Variants in PAK1 observed in about 807,000 individuals in gnomAD.
The protein encoded by PAK1 is serine/threonine-protein kinase PAK 1.
Under a neutral mutation model 67.4 loss-of-function variants are expected in PAK1, and 29 were observed. The ratio of observed to expected loss-of-function variants is 0.43; its 90% CI spans 0.32 to 0.59. The LOEUF is 0.59. Ranked by LOEUF, PAK1 falls within the 20% of genes least tolerant of loss-of-function variation. PAK1 has a pLI of 0.07. For missense variants in PAK1, 337 were observed against 670.7 expected (o/e 0.50, Z 5.50); for synonymous variants, 223 against 237.4 (o/e 0.94, Z 0.56).
At chr11:77,462,638 C>G (rs909955328) in intron 1 of PAK1, among the ~76,000 whole-genome samples, 1 of 151,994 alleles carries the variant, frequency 6.6e-6, no homozygotes. Context: ...CTGAGACCAG[C>G]CTGGCCAACA....
At chr11:77,511,421 C>CT in the PAK1 span, among the ~76,000 whole-genome samples, 2 of 152,254 alleles carry the variant, frequency 1.3e-5, no homozygotes, top group East Asian at 3.9e-4. Context: ...GGCTTAGATG[C>CT]TTTTTATTAT....
intron 1 of PAK1, among the ~76,000 whole-genome samples, chr11:77,415,489 T>G (rs1954896577): frequency 6.6e-6 from 1 of 152,180 alleles, no homozygotes; most frequent in South Asian, 2.1e-4. Flanking sequence ...AGCCTACTGC[T>G]TCAAGACTAC....
intron 1 of PAK1, among the ~76,000 whole-genome samples, chr11:77,420,488 C>G (rs766183101): frequency 7.2e-5 from 11 of 152,178 alleles, no homozygotes; most frequent in Non-Finnish European, 1.2e-4. Context: ...TCAGGTGTTT[C>G]CTCCCCCATC....
intron 1 of PAK1, among the ~76,000 whole-genome samples, chr11:77,435,945 G>A (rs1428601276): frequency 6.6e-6 from 1 of 152,134 alleles, no homozygotes; most frequent in African/African-American, 2.4e-5. Flanking sequence ...AAAATGAGCA[G>A]ACCCCAATGT....
intron 14 of PAK1, among the ~76,000 whole-genome samples, chr11:77,324,531 A>G (rs2135954232): frequency 6.6e-6 from 1 of 152,026 alleles, no homozygotes; most frequent in East Asian, 1.9e-4. Context: ...TTTTCTTTTT[A>G]AACATTTAGT....
At chr11:77,496,787 G>C in the PAK1 span, among the ~76,000 whole-genome samples, 1 of 152,076 alleles carries the variant, frequency 6.6e-6, no homozygotes, top group Admixed American at 6.5e-5. Context: ...ACAAAAATTA[G>C]CCTGGCGTGA....
intron 1 of PAK1, among the ~76,000 whole-genome samples, chr11:77,467,887 G>C (rs1461350119): frequency 6.6e-6 from 1 of 152,100 alleles, no homozygotes; most frequent in African/African-American, 2.4e-5. Context: ...CCCTCCCTTG[G>C]TAAGTGCAGT....
At chr11:77,342,445 TGA>T (rs1943751450) in intron 10 of PAK1, among the ~76,000 whole-genome samples, 1 of 152,198 alleles carries the variant, frequency 6.6e-6, no homozygotes, top group South Asian at 2.1e-4. Flanking sequence ...CACCATTTTG[TGA>T]GACAGGCCAT....
chr11:77,395,823 T>G (rs2844333), intron 1 of PAK1, among the ~76,000 whole-genome samples: 58,948 of 152,082 alleles, frequency 0.39, 11,730 homozygotes, highest in South Asian at 0.52. Context: ...ACTCTGATGT[T>G]CTTTTTATCC....
intron 4 of PAK1, among the ~76,000 whole-genome samples, chr11:77,378,448 C>T (rs1374895483): frequency 2.0e-5 from 3 of 152,072 alleles, no homozygotes; most frequent in Non-Finnish European, 4.4e-5. Flanking sequence ...AAAATTAGTT[C>T]CCTGAGGAAG....
the PAK1 span, among the ~76,000 whole-genome samples, chr11:77,519,981 A>G: frequency 6.6e-6 from 1 of 151,972 alleles, no homozygotes; most frequent in African/African-American, 2.4e-5. Context: ...ATTGGAAGCC[A>G]GGCTCCTCCC....
chr11:77,338,612 T>C (rs1032347148), intron 11 of PAK1, among the ~76,000 whole-genome samples: 4 of 152,178 alleles, frequency 2.6e-5, no homozygotes, highest in Admixed American at 6.5e-5. Flanking sequence ...TGTAGTTATA[T>C]ATCCAAGAGA....
chr11:77,441,084 T>C (rs1178637127), intron 1 of PAK1, among the ~76,000 whole-genome samples: 1 of 152,188 alleles, frequency 6.6e-6, no homozygotes, highest in Non-Finnish European at 1.5e-5. Context: ...ATACTCTGCC[T>C]TTCAAGGGAA....
intron 9 of PAK1, among the ~76,000 whole-genome samples, 192 bp downstream of exon 9, chr11:77,349,047 C>T (rs2725813): frequency 0.094 from 14,190 of 151,076 alleles, 881 homozygotes; most frequent in Non-Finnish European, 0.14. Context: ...ACTGCTTGAA[C>T]CTAGTAGGCG....
intron 1 of PAK1, among the ~76,000 whole-genome samples, chr11:77,470,201 TTTTG>T (rs1033622624): frequency 6.6e-6 from 1 of 152,222 alleles, no homozygotes. Context: ...CCACCTTGAT[TTTTG>T]TTTTAGTTTT....
upstream of PAK1, chr11:77,474,576 A>G (rs1294829486): frequency 6.6e-6 from 1 of 152,166 alleles, no homozygotes; most frequent in African/African-American, 2.4e-5. Context: ...TTAACAAAGC[A>G]CCACCGCATC....
intron 1 of PAK1, among the ~76,000 whole-genome samples, chr11:77,469,761 T>C (rs1957765489): frequency 6.6e-6 from 1 of 152,142 alleles, no homozygotes; most frequent in Non-Finnish European, 1.5e-5. Context: ...AGAATGTTTT[T>C]AAATTTTTTA....
intron 6 of PAK1, among the ~76,000 whole-genome samples, chr11:77,358,468 T>C (rs1471134135): frequency 6.6e-6 from 1 of 152,148 alleles, no homozygotes; most frequent in Non-Finnish European, 1.5e-5. Context: ...TTCTCTTGGG[T>C]CTTTCAATAT....
intron 5 of PAK1, among the ~76,000 whole-genome samples, chr11:77,369,571 C>T (rs1451637751): frequency 2.0e-5 from 3 of 151,460 alleles, no homozygotes. Flanking sequence ...CCTCAGCCTC[C>T]CAAGTAGCTG....
Sources: gnomAD v4.1 joint callset for allele counts (sites outside exome capture counted in the v4.1 genomes callset) on GRCh38, gnomAD v4.1.1 for gene constraint, MANE v1.5 for transcripts, NCBI Gene and HGNC (gene_info 2026-07-23, HGNC 2026-07-21) for gene names.